Variants in PIP5K1B observed in about 807,000 individuals in gnomAD.
PIP5K1B encodes the protein phosphatidylinositol-4-phosphate 5-kinase type 1 beta, also known as phosphatidylinositol 4-phosphate 5-kinase type-1 beta.
In PIP5K1B, 42 loss-of-function variants were observed where a neutral mutation model predicts 67.0. The observed-to-expected ratio is 0.63, with a 90% CI of 0.49 to 0.81. The LOEUF (loss-of-function observed/expected upper bound fraction) is 0.81. Among genes scored for constraint, PIP5K1B ranks in the 30% least tolerant of loss-of-function variants. PIP5K1B has a pLI of 0.00. For missense variants in PIP5K1B, 459 were observed against 646.3 expected, an observed-to-expected ratio of 0.71 and a Z score of 3.14; for synonymous variants, 214 against 231.4, an observed-to-expected ratio of 0.92 and a Z score of 0.68.
intron 1 of PIP5K1B, among the ~76,000 whole-genome samples, chr9:68,726,998 A>G (rs529360154): frequency 1.3e-4 from 19 of 151,752 alleles, no homozygotes; most frequent in Non-Finnish European, 2.4e-4. Context: ...TTTTTTTAGC[A>G]CACATATTTT....
At position 68,940,852 on chromosome 9, in the gene PIP5K1B, C is replaced by T. The variant is rs977624197; in HGVS notation, c.1502+62C>T. ...TTACCACATCAACATCAGGCCTGAACCAGTATCTCTGAATGAGGACACGTC... is the reference window on the plus strand; with the variant it reads ...TTACCACATCAACATCAGGCCTGAATCAGTATCTCTGAATGAGGACACGTC... On this transcript the variant is annotated intron_variant, in intron 14 of 15. Coordinates refer to ENST00000265382, the MANE Select transcript of PIP5K1B (RefSeq NM_003558.4). 25 of 1,458,936 alleles carry T rather than the reference C, an allele frequency of 1.7e-5. No individual in the cohort carries two copies. In the African/African-American group the frequency reaches 3.2e-4, roughly 19 times the overall value. The allele number at this position is 1,458,936 out of a possible 1,614,324, so 90.4% of individuals were successfully genotyped here. A position where few individuals can be genotyped will look rare whatever the true frequency, so the allele number is the denominator to read the frequency against.
intron 2 of PIP5K1B, among the ~76,000 whole-genome samples, chr9:68,757,840 T>C (rs1175198483): frequency 1.3e-5 from 2 of 152,134 alleles, no homozygotes; most frequent in Non-Finnish European, 2.9e-5. Context: ...AAACACAGTT[T>C]ACTCTGACTC....
chr9:68,808,244 T>C (rs1832975241), intron 2 of PIP5K1B, among the ~76,000 whole-genome samples: 1 of 152,132 alleles, frequency 6.6e-6, no homozygotes, highest in Admixed American at 6.5e-5. Context: ...AAGCAAGTTA[T>C]AGAGGCAAGA....
intron 8 of PIP5K1B, among the ~76,000 whole-genome samples, chr9:68,913,621 A>G (rs1825953708): frequency 6.6e-6 from 1 of 152,174 alleles, no homozygotes; most frequent in Admixed American, 6.5e-5. Context: ...TTGTTCCTTC[A>G]GATTTCTTAA....
chr9:68,874,472 C>T (rs1363114446), intron 5 of PIP5K1B, among the ~76,000 whole-genome samples: 1 of 152,168 alleles, frequency 6.6e-6, no homozygotes, highest in African/African-American at 2.4e-5. Context: ...GGAAACCTAA[C>T]ACTATCGTTT....
intron 14 of PIP5K1B, among the ~76,000 whole-genome samples, chr9:68,978,276 T>C (rs556348491): frequency 1.1e-4 from 16 of 152,328 alleles, no homozygotes; most frequent in African/African-American, 3.8e-4. Context: ...CAACACCTCC[T>C]CACTTCCTCT....
intron 2 of PIP5K1B, among the ~76,000 whole-genome samples, chr9:68,778,537 T>A (rs1238273218): frequency 6.6e-6 from 1 of 152,182 alleles, no homozygotes; most frequent in Non-Finnish European, 1.5e-5. Flanking sequence ...TTGTTCTAAC[T>A]CAACACATAT....
chr9:68,828,336 T>A (rs111922985), intron 4 of PIP5K1B, among the ~76,000 whole-genome samples: 1 of 152,224 alleles, frequency 6.6e-6, no homozygotes, highest in African/African-American at 2.4e-5. Context: ...TCGCCTACAG[T>A]GTGCAGAGTC....
At chr9:68,834,056 T>A (rs2132121533) in intron 4 of PIP5K1B, among the ~76,000 whole-genome samples, 1 of 152,350 alleles carries the variant, frequency 6.6e-6, no homozygotes, top group East Asian at 1.9e-4. Context: ...CCTCCTAAGA[T>A]CCTTTTCCAC....
Position 68,765,567 on chromosome 9 carries a change from T to A in PIP5K1B, c.-86+22910T>A, listed in dbSNP as rs543311165. 2.0e-4 allele frequency among the ~76,000 whole-genome samples: 31 copies of A among 152,218 alleles called. No homozygotes were observed. The South Asian group carries it at 6.4e-3, about 32-fold the overall frequency. ...TTTTTCTTTTAACATAAATTCTCCA[T>A]CAAAATAGGACCTAAGATTTTAAGA... On this transcript the variant is annotated intron_variant, in intron 2 of 15. Transcript: ENST00000265382.
intron 8 of PIP5K1B, among the ~76,000 whole-genome samples, chr9:68,906,270 T>C (rs1250572423): frequency 6.6e-6 from 1 of 152,208 alleles, no homozygotes. Flanking sequence ...CCACCTGCCT[T>C]GGCCTGCCAA....
At chr9:68,721,647 G>T (rs944776587) in intron 1 of PIP5K1B, among the ~76,000 whole-genome samples, 9 of 152,104 alleles carry the variant, frequency 5.9e-5, no homozygotes, top group African/African-American at 2.2e-4. Context: ...GCTGTGTTGT[G>T]GTCATATCAT....
Position 68,991,185 on chromosome 9 carries a change from C to T in PIP5K1B, c.1548C>T (p.Thr516=), listed in dbSNP as rs1282420359. Reference sequence around the variant, plus strand: ...CAACATTTACCTTGGAAGAGGGGACCATCTACTTGACCGCTGAGCCCAACA... The same window carrying T: ...CAACATTTACCTTGGAAGAGGGGACTATCTACTTGACCGCTGAGCCCAACA... The part of the protein sequence containing the change: ...SSSTFTLEEG[T]IYLTAEPNTL... The change falls in exon 15 of 16, where the codon ACC becomes ACT. Residue 516 remains threonine (T), a synonymous_variant. Coordinates refer to ENST00000265382, the MANE Select transcript of PIP5K1B (RefSeq NM_003558.4). The T allele has an allele frequency of 6.2e-7, 1 of 1,611,752 alleles. No homozygotes were observed. The highest frequency in any genetic ancestry group is 8.5e-7 in the Non-Finnish European group (1 of 1,177,964).
intron 4 of PIP5K1B, among the ~76,000 whole-genome samples, chr9:68,860,926 A>G (rs1234704090): frequency 6.6e-6 from 1 of 152,212 alleles, no homozygotes; most frequent in East Asian, 1.9e-4. Flanking sequence ...AGAAATAGTA[A>G]GAGTGCCTAC....
At chr9:68,875,979 A>G (rs914258858) in intron 5 of PIP5K1B, among the ~76,000 whole-genome samples, 4 of 152,182 alleles carry the variant, frequency 2.6e-5, no homozygotes, top group African/African-American at 7.2e-5. Flanking sequence ...AACTGTATGG[A>G]TAATGTTTTA....
At chr9:68,779,969 G>C in intron 2 of PIP5K1B, 4 of 637,866 alleles carry the variant, frequency 6.3e-6, no homozygotes, top group Non-Finnish European at 9.6e-6. Context: ...TACCACTGCC[G>C]CGCACATATT....
chr9:68,940,734 T>C lies in PIP5K1B; in HGVS notation c.1446T>C (p.Ser482=), dbSNP rs1827516271. Residue 482 remains serine, a synonymous_variant, in exon 14 of 16, where the codon TCT becomes TCC. Transcript: ENST00000265382. The part of the protein sequence containing the change: ...AASLATTISS[S]SLYVNEHYPH... ...CCTTGGCAACCACAATTTCATCTTC[T>C]TCCTTATACGTCAATGAGCACTATC... 2 of 1,613,856 alleles carry C rather than the reference T, an allele frequency of 1.2e-6. No homozygotes were observed. Among genetic ancestry groups the C allele is most frequent in the African/African-American group, 1.3e-5 (1 of 74,914 alleles).
chr9:68,954,852 T>TG (rs970977897), intron 14 of PIP5K1B, among the ~76,000 whole-genome samples: 1 of 152,186 alleles, frequency 6.6e-6, no homozygotes, highest in African/African-American at 2.4e-5. Context: ...CCCCATCTGC[T>TG]GGGGGGCAGG....
At position 68,972,457 on chromosome 9, in the gene PIP5K1B, G is replaced by A. The variant is rs143465898; in HGVS notation, c.1503-18683G>A. On this transcript the variant is annotated intron_variant, in intron 14 of 15. Coordinates refer to ENST00000265382, the MANE Select transcript of PIP5K1B (RefSeq NM_003558.4). The stretch of plus-strand genomic sequence containing the variant: ...GGAGTTCAAGACCAGCCCGGCTAAC[G>A]TGGTAAAACCCCGTCTCTACAAAAA... Among the ~76,000 whole-genome samples, 759 of 152,074 alleles carry A rather than the reference G, an allele frequency of 5.0e-3. 4 individuals carry two copies. The highest frequency in any genetic ancestry group is 7.6e-3 in the Non-Finnish European group (519 of 67,974).
Sources: allele counts gnomAD v4.1 joint callset (sites outside exome capture counted in the v4.1 genomes callset), GRCh38; gene constraint gnomAD v4.1.1; transcripts MANE v1.5; gene names NCBI Gene and HGNC (gene_info 2026-07-23, HGNC 2026-07-21).